Variants in DDC observed in about 807,000 individuals in gnomAD.
DDC encodes the protein dopa decarboxylase.
A neutral mutation model predicts 60.0 loss-of-function variants in DDC; 43 were observed. That is an observed-to-expected ratio of 0.72 (90% CI 0.56 to 0.92). The LOEUF is 0.92. DDC is among the 40% of genes least tolerant of loss of function. The probability of loss-of-function intolerance (pLI) is 0.00; values close to 1 mark genes in which losing one functional copy is unlikely to be tolerated. For missense variants in DDC, 573 were observed against 620.2 expected (o/e 0.92, Z 0.81); for synonymous variants, 232 against 234.6 (o/e 0.99, Z 0.10).
intron 7 of DDC, among the ~76,000 whole-genome samples, chr7:50,499,869 G>T (rs1452424466): frequency 1.3e-5 from 2 of 152,168 alleles, no homozygotes; most frequent in African/African-American, 2.4e-5. Context: ...AATTTTGACA[G>T]ATCTGGGCTC....
chr7:50,492,713 T>C (rs924705892), intron 9 of DDC: 5 of 893,298 alleles, frequency 5.6e-6, no homozygotes, highest in Non-Finnish European at 7.3e-6. Context: ...CCAAATGGCC[T>C]GGCCTCATCC....
chr7:50,563,636 C>T (rs990074478), intron 1 of DDC, among the ~76,000 whole-genome samples: 1 of 152,170 alleles, frequency 6.6e-6, no homozygotes, highest in Non-Finnish European at 1.5e-5. Flanking sequence ...GAGTCTCACT[C>T]TGTCACCCAG....
chr7:50,535,674 G>C (rs2044381158), intron 4 of DDC, among the ~76,000 whole-genome samples: 1 of 152,194 alleles, frequency 6.6e-6, no homozygotes, highest in African/African-American at 2.4e-5. Flanking sequence ...TCTAGGAATA[G>C]GCATTACAAG....
At chr7:50,529,911 T>A (rs1375688847) in intron 4 of DDC, among the ~76,000 whole-genome samples, 1 of 152,096 alleles carries the variant, frequency 6.6e-6, no homozygotes, top group Non-Finnish European at 1.5e-5. Flanking sequence ...GGAGATAGGC[T>A]TTTTAGAGAG....
At chr7:50,489,367 T>C (rs1306428591) in intron 9 of DDC, among the ~76,000 whole-genome samples, 1 of 152,218 alleles carries the variant, frequency 6.6e-6, no homozygotes, top group African/African-American at 2.4e-5. Context: ...AGAAAACTTA[T>C]AACACAGGAT....
chr7:50,462,597 T>C (rs979562995), intron 14 of DDC, among the ~76,000 whole-genome samples: 8 of 152,214 alleles, frequency 5.3e-5, no homozygotes, highest in Admixed American at 3.9e-4. Context: ...CAGTTTCTTA[T>C]ATGAGCTTGT....
intron 14 of DDC, among the ~76,000 whole-genome samples, chr7:50,460,110 A>G (rs1421991152): frequency 3.0e-4 from 29 of 96,688 alleles, no homozygotes; most frequent in Middle Eastern, 0.022. Flanking sequence ...GGTGAGGGGC[A>G]CCTCTGCCCG....
intron 9 of DDC, among the ~76,000 whole-genome samples, chr7:50,480,916 C>T (rs1375052398): frequency 6.6e-6 from 1 of 152,186 alleles, no homozygotes; most frequent in African/African-American, 2.4e-5. Context: ...CGGACGCAAA[C>T]TCTCACTGGG....
intron 10 of DDC, among the ~76,000 whole-genome samples, chr7:50,478,353 T>G (rs1483657717): frequency 6.6e-6 from 1 of 152,226 alleles, no homozygotes; most frequent in Non-Finnish European, 1.5e-5. Context: ...AAATTTAAGT[T>G]AATTAAAACT....
intron 1 of DDC, among the ~76,000 whole-genome samples, chr7:50,559,844 C>CT (rs1160216137): frequency 6.6e-6 from 1 of 152,194 alleles, no homozygotes; most frequent in Non-Finnish European, 1.5e-5. Flanking sequence ...TAATCAACAT[C>CT]TTGAAGAGCA....
At chr7:50,536,284 C>G (rs1295005244) in intron 4 of DDC, among the ~76,000 whole-genome samples, 1 of 152,228 alleles carries the variant, frequency 6.6e-6, no homozygotes, top group Non-Finnish European at 1.5e-5. Context: ...ATTGTCCCAC[C>G]TTTCCAGACC....
intron 1 of DDC, among the ~76,000 whole-genome samples, chr7:50,559,312 C>T (rs1470747): frequency 0.23 from 35,618 of 152,142 alleles, 4,377 homozygotes; most frequent in East Asian, 0.41. Context: ...ACCTTTTCTA[C>T]GAGGTCCTGT....
At chr7:50,504,709 CTGTGTGTGTGCACG>C (rs938644459) in intron 6 of DDC, among the ~76,000 whole-genome samples, 3 of 151,742 alleles carry the variant, frequency 2.0e-5, no homozygotes, top group South Asian at 2.1e-4. Flanking sequence ...GTGTGTGTGT[CTGTGTGTGTGCACG>C]TGTGTGTGTG....
intron 9 of DDC, among the ~76,000 whole-genome samples, chr7:50,494,449 A>T (rs554872970): frequency 1.3e-5 from 2 of 152,130 alleles, no homozygotes; most frequent in East Asian, 3.9e-4. Flanking sequence ...GCTTGCAGTG[A>T]GCCAAGATTG....
rs560875159 is a variant in DDC, at chr7:50,469,973, C to CT, written c.1140+99dup. On this transcript the variant is annotated intron_variant, in intron 12 of 14. Coordinates refer to ENST00000444124, the MANE Select transcript of DDC (RefSeq NM_001082971.2). ...CAGCCTGGGGGACAAGAGTGAAACT[C>CT]TGTCTCAAAAAAAAAAAAAGAAAAA... The CT allele has an allele frequency of 6.0e-4, 451 of 751,060 alleles. 6 individuals are homozygous for CT. In the East Asian group the frequency reaches 0.012, roughly 20 times the overall value. 46.5% of individuals were successfully genotyped at this position (751,060 alleles called of 1,614,324 possible).
rs111260749 is a variant in DDC at position 50,498,135 on chromosome 7, C to T, written c.876+1013G>A. Among the ~76,000 whole-genome samples, 1,138 of 152,320 alleles carry T rather than the reference C, an allele frequency of 7.5e-3. 20 individuals are homozygous for T. Among genetic ancestry groups the T allele is most frequent in the African/African-American group, 0.026 (1,095 of 41,570 alleles). On this transcript the variant is annotated intron_variant, in intron 8 of 14. Transcript: ENST00000444124. ...ACATGATTAACTCATCTACTCCTGG[C>T]GACAATCCCACACCGGATGTATTCT...
chr7:50,485,914 A>G (rs907129447), intron 9 of DDC, among the ~76,000 whole-genome samples: 1 of 152,134 alleles, frequency 6.6e-6, no homozygotes, highest in African/African-American at 2.4e-5. Flanking sequence ...ATGGGATAAT[A>G]ATATAGTCCC....
At chr7:50,523,696 A>C (rs1179623634) in intron 6 of DDC, among the ~76,000 whole-genome samples, 1 of 152,202 alleles carries the variant, frequency 6.6e-6, no homozygotes, top group Non-Finnish European at 1.5e-5. Flanking sequence ...ATATTGGAAA[A>C]CCTACACTAA....
intron 12 of DDC, among the ~76,000 whole-genome samples, chr7:50,468,156 G>T (rs552982058): frequency 2.1e-4 from 32 of 152,328 alleles, no homozygotes; most frequent in Non-Finnish European, 2.2e-4. Flanking sequence ...GCAGGGGGTG[G>T]CTGGGACAAA....
Sources: allele counts gnomAD v4.1 joint callset (sites outside exome capture counted in the v4.1 genomes callset), GRCh38; gene constraint gnomAD v4.1.1; transcripts MANE v1.5; gene names NCBI Gene and HGNC (gene_info 2026-07-23, HGNC 2026-07-21).